RALY: variants seen among roughly 807,000 people sequenced by gnomAD.
RALY encodes RALY heterogeneous nuclear ribonucleoprotein, also known as RNA-binding protein Raly.
Under a neutral mutation model 30.7 loss-of-function variants are expected in RALY, and 15 were observed. The ratio of observed to expected loss-of-function variants is 0.49; its 90% CI spans 0.33 to 0.75. The LOEUF is 0.75. Ranked by LOEUF, RALY falls within the 30% of genes least tolerant of loss-of-function variation. RALY has a pLI of 0.02. For missense variants in RALY, 339 were observed against 414.3 expected, an observed-to-expected ratio of 0.82 and a Z score of 1.58; for synonymous variants, 177 against 170.8, an observed-to-expected ratio of 1.04 and a Z score of -0.28.
Position 34,077,204 on chromosome 20 carries a change from G to A in RALY, c.835G>A (p.Gly279Ser), listed in dbSNP as rs112543558. 20 of 1,613,742 alleles carry A rather than the reference G, an allele frequency of 1.2e-5. No individual in the cohort carries two copies. The highest frequency in any genetic ancestry group is 2.2e-5 in the East Asian group (1 of 44,880). The change falls in exon 8 of 10, where the codon GGC becomes AGC. Residue 279 changes from glycine to serine, a missense_variant. Gly to Ser is a moderately conservative substitution (Grantham distance 56). This residue lies in a region of RALY where 268 missense variants were observed against 280.6 expected (regional missense o/e 0.95). Coordinates refer to ENST00000246194, the MANE Select transcript of RALY (RefSeq NM_016732.3). Reference sequence around the variant, plus strand: ...GGGGGAAGCACGGACCCGAGACGACGGCGATGAGGAAGGGCTCCTGACACA... The same window carrying A: ...GGGGGAAGCACGGACCCGAGACGACAGCGATGAGGAAGGGCTCCTGACACA... ...PQGEARTRDD[G>S]DEEGLLTHSE...
At chr20:34,078,834 C>T (rs1429659115) in intron 9 of RALY, among the ~76,000 whole-genome samples, 2 of 152,134 alleles carry the variant, frequency 1.3e-5, no homozygotes, top group African/African-American at 2.4e-5. Context: ...CTGTCTCTGC[C>T]CTTGAGGAGC....
Position 33,999,292 on chromosome 20 carries a change from CG to C in RALY, c.-93+5162del, listed in dbSNP as rs1285507772. 2.0e-5 allele frequency among the ~76,000 whole-genome samples: 3 copies of C among 152,112 alleles called. No homozygotes were observed. The East Asian group carries it at 5.8e-4, about 29-fold the overall frequency. Reference sequence around the variant, plus strand: ...TGAGGACACAGGAGAAGAAGGAGCACGTAAGGGAGGGGGTAGGGTTTCTTAT... The same window carrying C: ...TGAGGACACAGGAGAAGAAGGAGCACTAAGGGAGGGGGTAGGGTTTCTTAT... On this transcript the variant is annotated intron_variant, in intron 1 of 9. Coordinates refer to ENST00000246194, the MANE Select transcript of RALY (RefSeq NM_016732.3).
chr20:34,077,193 C>T lies in RALY; in HGVS notation c.824C>T (p.Thr275Ile). 1 of 1,613,870 alleles carries T rather than the reference C, an allele frequency of 6.2e-7. No homozygotes were observed. Among genetic ancestry groups the T allele is most frequent in the Middle Eastern group, 1.7e-4 (1 of 6,058 alleles). ...EAGLPQGEARTRDDGDEEGLL... is the reference protein window; with the variant it reads ...EAGLPQGEARIRDDGDEEGLL... ...GGCCTGCCCCAGGGGGAAGCACGGA[C>T]CCGAGACGACGGCGATGAGGAAGGG... Residue 275 changes from threonine to isoleucine, a missense_variant, in exon 8 of 10, where the codon ACC becomes ATC. By Grantham distance (89) the Thr-to-Ile change is moderately conservative. Transcript: ENST00000246194.
intron 1 of RALY, among the ~76,000 whole-genome samples, chr20:34,013,877 T>TTATAG (rs1283853194): frequency 6.6e-6 from 1 of 152,194 alleles, no homozygotes. Context: ...GCATTGATAC[T>TTATAG]TATAGTATAG....
intron 1 of RALY, among the ~76,000 whole-genome samples, chr20:34,005,676 ATAT>A (rs1307972265): frequency 1.3e-5 from 2 of 152,230 alleles, no homozygotes; most frequent in African/African-American, 4.8e-5. Context: ...TACATATAAA[ATAT>A]TATTTCATTC....
At chr20:34,015,586 C>CT (rs752571889) in intron 1 of RALY, among the ~76,000 whole-genome samples, 146 of 145,248 alleles carry the variant, frequency 1.0e-3, no homozygotes, top group South Asian at 2.9e-3. Context: ...TTGGCATAGA[C>CT]TTTTTTTTTT....
intron 1 of RALY, among the ~76,000 whole-genome samples, chr20:34,014,201 T>C (rs1310973657): frequency 6.6e-6 from 1 of 152,182 alleles, no homozygotes; most frequent in Non-Finnish European, 1.5e-5. Context: ...TAAGTTCTTA[T>C]ATAAATACCC....
intron 1 of RALY, among the ~76,000 whole-genome samples, chr20:34,027,045 C>T (rs2123077970): frequency 6.6e-6 from 1 of 152,192 alleles, no homozygotes; most frequent in East Asian, 1.9e-4. Context: ...TTCATAAGAC[C>T]CTAATCCTGC....
intron 1 of RALY, among the ~76,000 whole-genome samples, chr20:34,026,283 G>C (rs2032029981): frequency 6.6e-6 from 1 of 152,116 alleles, no homozygotes; most frequent in Admixed American, 6.5e-5. Context: ...CATTTACAAA[G>C]AGGAATTCCT....
At chr20:34,042,125 CAAACAT>C (rs1167926094) in intron 2 of RALY, among the ~76,000 whole-genome samples, 2 of 152,020 alleles carry the variant, frequency 1.3e-5, no homozygotes, top group South Asian at 2.1e-4. Context: ...TCTCAAAAAA[CAAACAT>C]AAACAAAAAC....
At chr20:34,037,787 G>T (rs1193002064) in intron 2 of RALY, among the ~76,000 whole-genome samples, 1 of 152,236 alleles carries the variant, frequency 6.6e-6, no homozygotes, top group Non-Finnish European at 1.5e-5. Context: ...AGCAGTAGCA[G>T]TGCATCATTG....
intron 1 of RALY, chr20:34,016,331 C>G (rs2031606734): frequency 6.6e-6 from 1 of 152,196 alleles, no homozygotes; most frequent in African/African-American, 2.4e-5. Context: ...ATTCAGGCCG[C>G]TAGTATAATG....
At chr20:33,995,018 A>G (rs2030540572) in intron 1 of RALY, among the ~76,000 whole-genome samples, 1 of 152,122 alleles carries the variant, frequency 6.6e-6, no homozygotes, top group African/African-American at 2.4e-5. Context: ...CCTATTATTT[A>G]TTAATATTTC....
intron 1 of RALY, among the ~76,000 whole-genome samples, chr20:34,030,833 C>G (rs912900438): frequency 1.3e-5 from 2 of 152,094 alleles, no homozygotes; most frequent in South Asian, 2.1e-4. Context: ...TTTGTACTTG[C>G]TATTCTCTCC....
chr20:34,078,394 T>G (rs1293427637), intron 8 of RALY, 111 bp from the exon 9 acceptor site: 1 of 913,566 alleles, frequency 1.1e-6, no homozygotes, highest in East Asian at 3.0e-5. Flanking sequence ...CTTCTGACTG[T>G]GTCCTCTAGA....
intron 1 of RALY, among the ~76,000 whole-genome samples, chr20:34,005,813 G>A (rs752862877): frequency 1.3e-5 from 2 of 152,188 alleles, no homozygotes; most frequent in Non-Finnish European, 2.9e-5. Flanking sequence ...TCACAGATAC[G>A]TCTTTGCAGA....
intron 1 of RALY, among the ~76,000 whole-genome samples, chr20:34,011,438 T>C (rs2031395147): frequency 6.6e-6 from 1 of 152,208 alleles, no homozygotes; most frequent in African/African-American, 2.4e-5. Flanking sequence ...GACAAAAACA[T>C]ATCCTTGGGC....
chr20:34,069,999 T>C (rs2033681889), intron 2 of RALY, among the ~76,000 whole-genome samples: 1 of 152,180 alleles, frequency 6.6e-6, no homozygotes, highest in Non-Finnish European at 1.5e-5. Context: ...ACGTCCAGCC[T>C]ATGATTCCCT....
rs749934075 is a variant in RALY, at chr20:34,079,899, CTCTT to C, written c.*5-7_*5-4del. The stretch of plus-strand genomic sequence containing the variant: ...GCCTTAGTCTCTTCTTTCTCTCTCT[CTCTT>C]TCTCAGCCTGACAGGAGCAATGGCC... On this transcript the variant is annotated splice_region_variant and splice_polypyrimidine_tract_variant and intron_variant, in intron 9 of 9. Transcript: ENST00000246194. 3.9e-5 allele frequency: 6 copies of C among 152,462 alleles called. No individual in the cohort carries two copies. Among genetic ancestry groups the C allele is most frequent in the Non-Finnish European group, 8.8e-5 (6 of 68,226 alleles). 9.4% of individuals were successfully genotyped at this position (152,462 alleles called of 1,614,324 possible).
Sources: gnomAD v4.1 joint callset for allele counts (sites outside exome capture counted in the v4.1 genomes callset) on GRCh38, gnomAD v4.1.1 for gene constraint, gnomAD v4.1.1 regional missense constraint, MANE v1.5 for transcripts, NCBI Gene and HGNC (gene_info 2026-07-23, HGNC 2026-07-21) for gene names.